Variants in ZNF726 observed in about 807,000 individuals in gnomAD.
ZNF726 encodes the protein zinc finger protein 92 pseudogene 3.
Under a neutral mutation model 11.6 loss-of-function variants are expected in ZNF726, and 15 were observed. The observed-to-expected ratio is 1.29, with a 90% CI of 0.86 to 1.99. ZNF726 has a LOEUF of 1.99. Ranked by LOEUF, ZNF726 falls within the 30% of genes most tolerant of loss-of-function variation. ZNF726 has a pLI of 0.00. For missense variants in ZNF726, 890 were observed against 725.6 expected (o/e 1.23, Z -2.60); for synonymous variants, 295 against 243.6 (o/e 1.21, Z -1.96).
In ZNF726 at chr19:23,933,032, A is replaced by G. The variant is rs770813308; in HGVS notation, c.916A>G (p.Met306Val). The part of the protein sequence containing the change: ...QPSALTIHKR[M>V]HIGEKPYKCE... Reference sequence around the variant, plus strand: ...CTCAGCACTAACCATACATAAGAGGATGCACATTGGAGAGAAACCCTACAA... The same window carrying G: ...CTCAGCACTAACCATACATAAGAGGGTGCACATTGGAGAGAAACCCTACAA... The change falls in exon 4 of 4, where the codon ATG becomes GTG. Residue 306 changes from methionine (M) to valine (V), a missense_variant. Physicochemically the swap from Met to Val is conservative, Grantham distance 21 (BLOSUM62 1). Coordinates refer to ENST00000594466, the MANE Select transcript of ZNF726 (RefSeq NM_001244038.2). 1 of 1,613,442 alleles carries G rather than the reference A, an allele frequency of 6.2e-7. No individual in the cohort carries two copies. Among genetic ancestry groups the G allele is most frequent in the African/African-American group, 1.3e-5 (1 of 75,034 alleles).
chr19:23,943,039 G>C (rs1453146537), intron 3 of ZNF726, among the ~76,000 whole-genome samples: 1 of 152,084 alleles, frequency 6.6e-6, no homozygotes, highest in Non-Finnish European at 1.5e-5. Flanking sequence ...GGAAGGTGAG[G>C]GGAATGGAGT....
intron 3 of ZNF726, among the ~76,000 whole-genome samples, chr19:23,939,862 A>ATCTTTT (rs1968308780): frequency 1.1e-5 from 1 of 87,154 alleles, no homozygotes; most frequent in Admixed American, 1.2e-4. Context: ...TTTTGATGGG[A>ATCTTTT]TTTTTTTTTT....
rs763333188 is a variant in ZNF726 at position 23,932,439 on chromosome 19, A to C, written c.323A>C (p.His108Pro). Residue 108 changes from histidine to proline, a missense_variant, in exon 4 of 4, where the codon CAT becomes CCT. His to Pro is a moderately conservative substitution (Grantham distance 77). Transcript: ENST00000594466. ...VILRRFEKCG[H>P]ENLQLRKGCK... ...CTAAGAAGATTTGAAAAATGTGGAC[A>C]TGAGAATTTACAGTTAAGAAAAGGT... 16 of 1,573,436 alleles carry C rather than the reference A, an allele frequency of 1.0e-5. No individual in the cohort carries two copies. The South Asian group carries it at 1.7e-4, about 17-fold the overall frequency.
intron 1 of ZNF726, among the ~76,000 whole-genome samples, chr19:23,918,718 T>C (rs1206112325): frequency 1.4e-5 from 2 of 146,950 alleles, no homozygotes; most frequent in Non-Finnish European, 3.0e-5. Context: ...CACACTTAAA[T>C]GGCAGCTGCC....
chr19:23,926,602 T>C (rs183802695), intron 3 of ZNF726, among the ~76,000 whole-genome samples: 306 of 151,772 alleles, frequency 2.0e-3, no homozygotes, highest in African/African-American at 7.1e-3. Context: ...TATCTTCCTA[T>C]GTCTAATGAA....
At chr19:23,918,031 T>C (rs906700435) in intron 1 of ZNF726, among the ~76,000 whole-genome samples, 5 of 152,166 alleles carry the variant, frequency 3.3e-5, no homozygotes, top group Non-Finnish European at 7.4e-5. Flanking sequence ...CTAAACCCGG[T>C]TGGCTAACTT....
intron 3 of ZNF726, chr19:23,923,294 T>A (rs1412391499): frequency 6.1e-6 from 2 of 326,472 alleles, no homozygotes; most frequent in African/African-American, 4.6e-5. Flanking sequence ...AACATAAAAA[T>A]TGGCATGAAT....
Position 23,933,960 on chromosome 19 carries a change from A to G in ZNF726, c.1844A>G (p.His615Arg). Residue 615 changes from histidine to arginine, a missense_variant, in exon 4 of 4, where the codon CAT becomes CGT. Physicochemically the swap from His to Arg is conservative, Grantham distance 29. Coordinates refer to ENST00000594466, the MANE Select transcript of ZNF726 (RefSeq NM_001244038.2). Reference sequence around the variant, plus strand: ...ACCCTTTTTAAGCATAAGAGGATTCATACTTGAGAGAAACCTTAAAAAGGG... The same window carrying G: ...ACCCTTTTTAAGCATAAGAGGATTCGTACTTGAGAGAAACCTTAAAAAGGG... ...SSTLFKHKRI[H>R]T 6.3e-7 allele frequency: 1 copy of G among 1,577,466 alleles called. No individual in the cohort carries two copies. The highest frequency in any genetic ancestry group is 8.6e-7 in the Non-Finnish European group (1 of 1,161,360).
chr19:23,932,263 T>TA, intron 3 of ZNF726, 80 bp from the exon 4 acceptor site: 1 of 1,086,544 alleles, frequency 9.2e-7, no homozygotes, highest in Non-Finnish European at 1.2e-6. Flanking sequence ...TTGTAGGTTG[T>TA]ATAATTTTAT....
chr19:23,916,870 T>A (rs1266866144), intron 1 of ZNF726, among the ~76,000 whole-genome samples: 1 of 152,090 alleles, frequency 6.6e-6, no homozygotes, highest in Non-Finnish European at 1.5e-5. Flanking sequence ...GACAATCAAC[T>A]AATTGAATGG....
intron 3 of ZNF726, among the ~76,000 whole-genome samples, chr19:23,940,535 T>C (rs1285531849): frequency 6.6e-6 from 1 of 151,972 alleles, no homozygotes; most frequent in African/African-American, 2.4e-5. Flanking sequence ...AGAATGATGG[T>C]GGTATTTTGA....
chr19:23,935,099 A>T (rs1968205391), downstream of ZNF726: 1 of 354,210 alleles, frequency 2.8e-6, no homozygotes, highest in Non-Finnish European at 5.5e-6. Flanking sequence ...GCTTCTGCCC[A>T]GGGGCAAGGC....
chr19:23,917,255 TCA>T (rs1179341275), intron 1 of ZNF726, among the ~76,000 whole-genome samples: 2 of 152,224 alleles, frequency 1.3e-5, no homozygotes, highest in African/African-American at 4.8e-5. Flanking sequence ...TCAGCTGACC[TCA>T]GTTTTTTAAC....
chr19:23,919,758 T>G, intron 2 of ZNF726: 1 of 472,814 alleles, frequency 2.1e-6, no homozygotes, highest in Non-Finnish European at 3.3e-6. Flanking sequence ...TATTCACACC[T>G]TAAAATCCAA....
At position 23,932,355 on chromosome 19, in the gene ZNF726, AT is replaced by A; in HGVS notation, c.243del (p.Phe81LeufsTer18). Reference protein sequence around the residue: ...MVDEPPGICPHFAQDIWPEQG... With the variant: ...MVDEPPGICPXFAQDIWPEQG... ...AATTTTTTTTTAGGTATATGTCCTC[AT>A]TTTGCTCAAGACATTTGGCCAGAGC... On this transcript the variant is annotated frameshift_variant, in exon 4 of 4. Coordinates refer to ENST00000594466, the MANE Select transcript of ZNF726 (RefSeq NM_001244038.2). LOFTEE classifies it low-confidence loss of function (END_TRUNC). The A allele has an allele frequency of 7.0e-7, 1 of 1,419,518 alleles. No homozygotes were observed. The highest frequency in any genetic ancestry group is 9.2e-7 in the Non-Finnish European group (1 of 1,086,006). The allele number at this position is 1,419,518 out of a possible 1,614,324, so 87.9% of individuals were successfully genotyped here.
At chr19:23,942,844 T>A (rs936280280) in intron 3 of ZNF726, among the ~76,000 whole-genome samples, 7 of 152,208 alleles carry the variant, frequency 4.6e-5, no homozygotes, top group Non-Finnish European at 1.0e-4. Context: ...TTTTGAGTCC[T>A]TATGTTAAGT....
intron 3 of ZNF726, among the ~76,000 whole-genome samples, chr19:23,921,969 A>C (rs1967864263): frequency 6.6e-6 from 1 of 152,200 alleles, no homozygotes; most frequent in African/African-American, 2.4e-5. Flanking sequence ...GAAGGAGCAA[A>C]CACCTCTTCA....
chr19:23,936,953 G>A (rs1435832957), downstream of ZNF726, among the ~76,000 whole-genome samples: 12 of 151,832 alleles, frequency 7.9e-5, no homozygotes, highest in East Asian at 3.9e-4. Flanking sequence ...ATCATGGCCC[G>A]TTCTCAATGA....
chr19:23,932,629 A>G lies in ZNF726; in HGVS notation c.513A>G (p.Lys171=). 6.5e-7 allele frequency: 1 copy of G among 1,550,182 alleles called. No homozygotes were observed. Among genetic ancestry groups the G allele is most frequent in the Non-Finnish European group, 8.7e-7 (1 of 1,150,484 alleles). ...ATAAGATAAGACATACTAGAAAGAA[A>G]CCTTTCAAATGTAAAAATTGTGTCA... ...NRYKIRHTRK[K]PFKCKNCVKS... Residue 171 remains lysine, a synonymous_variant, in exon 4 of 4, where the codon AAA becomes AAG. Coordinates refer to ENST00000594466, the MANE Select transcript of ZNF726 (RefSeq NM_001244038.2).
Sources: gnomAD v4.1 joint callset for allele counts (sites outside exome capture counted in the v4.1 genomes callset) on GRCh38, gnomAD v4.1.1 for gene constraint, MANE v1.5 for transcripts, NCBI Gene and HGNC (gene_info 2026-07-23, HGNC 2026-07-21) for gene names.